Variants in GOLGB1 observed in about 807,000 individuals in gnomAD.
GOLGB1 encodes golgin B1.
In GOLGB1, 174 loss-of-function variants were observed where a neutral mutation model predicts 336.9. That is an observed-to-expected ratio of 0.52 (90% CI 0.46 to 0.59). GOLGB1 has a LOEUF of 0.59. GOLGB1 is among the 20% of genes least tolerant of loss of function. GOLGB1 has a pLI of 0.00. For synonymous variants in GOLGB1, 1,208 were observed against 1,289.2 expected, an observed-to-expected ratio of 0.94 and a Z score of 1.35; for missense variants, 3,331 against 3,645.3, an observed-to-expected ratio of 0.91 and a Z score of 2.22.
chr3:121,669,298 G>C lies in GOLGB1; in HGVS notation c.9235C>G (p.Gln3079Glu), dbSNP rs1292322748. The C allele has an allele frequency of 4.3e-6, 7 of 1,613,596 alleles. No homozygotes were observed. Among genetic ancestry groups the C allele is most frequent in the Non-Finnish European group, 5.9e-6 (7 of 1,179,592 alleles). The change falls in exon 18 of 22, where the codon CAG becomes GAG. Residue 3079 changes from glutamine to glutamate, a missense_variant. Coordinates refer to ENST00000614479, the MANE Select transcript of GOLGB1 (RefSeq NM_001366282.2). ...TGCTGCTGGTTCTCACGAAGACTCT[G>C]ACTGGTATCGCAGAGCTGAATGGAA... Reference protein sequence around the residue: ...TLSIQLCDTSQSLRENQQHYG... With the variant: ...TLSIQLCDTSESLRENQQHYG...
intron 10 of GOLGB1, among the ~76,000 whole-genome samples, chr3:121,712,983 G>A (rs902681255): frequency 6.6e-6 from 1 of 152,110 alleles, no homozygotes; most frequent in Admixed American, 6.5e-5. Context: ...CCAACATGGT[G>A]AAACCCTGTC....
chr3:121,695,604 A>C lies in GOLGB1; in HGVS notation c.4919T>G (p.Val1640Gly). 6.2e-7 allele frequency: 1 copy of C among 1,613,890 alleles called. No homozygotes were observed. Among genetic ancestry groups the C allele is most frequent in the Non-Finnish European group, 8.5e-7 (1 of 1,179,972 alleles). The change falls in exon 13 of 22, where the codon GTG becomes GGG. Residue 1640 changes from valine (V) to glycine (G), a missense_variant. Val to Gly is a moderately radical substitution (Grantham distance 109). Coordinates refer to ENST00000614479, the MANE Select transcript of GOLGB1 (RefSeq NM_001366282.2). Reference sequence around the variant, plus strand: ...TTTCTCTTGCCTCACAGCTTCCACCACATGCTGAATCCTTTCTGCTTCATT... The same window carrying C: ...TTTCTCTTGCCTCACAGCTTCCACCCCATGCTGAATCCTTTCTGCTTCATT... ...VSNEAERIQHVVEAVRQEKQE... is the reference protein window; with the variant it reads ...VSNEAERIQHGVEAVRQEKQE...
intron 20 of GOLGB1, among the ~76,000 whole-genome samples, 186 bp from the exon 21 acceptor site, chr3:121,665,217 A>G (rs1938440725): frequency 6.6e-6 from 1 of 152,226 alleles, no homozygotes; most frequent in Non-Finnish European, 1.5e-5. Flanking sequence ...GCAGCAGCAA[A>G]ATGTGACAAT....
At chr3:121,735,313 A>T (rs1419522075) in intron 1 of GOLGB1, among the ~76,000 whole-genome samples, 1 of 152,218 alleles carries the variant, frequency 6.6e-6, no homozygotes, top group Non-Finnish European at 1.5e-5. Flanking sequence ...CCAGGATGTC[A>T]GGAGTTCCAA....
chr3:121,689,582 C>T (rs1942218333), intron 14 of GOLGB1, among the ~76,000 whole-genome samples: 1 of 151,072 alleles, frequency 6.6e-6, no homozygotes, highest in Non-Finnish European at 1.5e-5. Flanking sequence ...TGCTGACCTT[C>T]CCTCCACTAT....
At chr3:121,736,889 G>A (rs1339393209) in intron 1 of GOLGB1, among the ~76,000 whole-genome samples, 1 of 151,824 alleles carries the variant, frequency 6.6e-6, no homozygotes, top group Non-Finnish European at 1.5e-5. Context: ...GGGTGCCAGA[G>A]TGAGACCCTG....
chr3:121,673,730 T>TCTAA, intron 17 of GOLGB1, among the ~76,000 whole-genome samples: 1 of 152,004 alleles, frequency 6.6e-6, no homozygotes. Flanking sequence ...TATCTATCTA[T>TCTAA]CTATTTTTGA....
At chr3:121,745,521 T>TATGTATACGTGTATGTATATATATACAC (rs1947222574) in intron 1 of GOLGB1, among the ~76,000 whole-genome samples, 1 of 149,966 alleles carries the variant, frequency 6.7e-6, no homozygotes. Flanking sequence ...TATATATACA[T>TATGTATACGTGTATGTATATATATACAC]ATGTATACGT....
chr3:121,732,813 A>G (rs1946205504), intron 1 of GOLGB1, among the ~76,000 whole-genome samples: 1 of 152,220 alleles, frequency 6.6e-6, no homozygotes, highest in African/African-American at 2.4e-5. Flanking sequence ...CCATATGAGA[A>G]ACAAGGCAAA....
At chr3:121,747,259 ATATATATATG>A (rs1036353396) in intron 1 of GOLGB1, among the ~76,000 whole-genome samples, 15 of 136,588 alleles carry the variant, frequency 1.1e-4, no homozygotes, top group African/African-American at 4.2e-4. Flanking sequence ...CCATGTGTGT[ATATATATATG>A]TATATATGTA....
Position 121,695,595 on chromosome 3 carries a change from G to A in GOLGB1, c.4928C>T (p.Ala1643Val), listed in dbSNP as rs1302141218. The change falls in exon 13 of 22, where the codon GCT (alanine) becomes GTT (valine). Residue 1643 changes from alanine to valine, a missense_variant. By Grantham distance (64) the Ala-to-Val change is moderately conservative (BLOSUM62 0). Coordinates refer to ENST00000614479, the MANE Select transcript of GOLGB1 (RefSeq NM_001366282.2). ...CAGTTCTTGTTTCTCTTGCCTCACA[G>A]CTTCCACCACATGCTGAATCCTTTC... ...EAERIQHVVEAVRQEKQELYG... is the reference protein window; with the variant it reads ...EAERIQHVVEVVRQEKQELYG... 2 of 1,613,830 alleles carry A rather than the reference G, an allele frequency of 1.2e-6. No individual in the cohort carries two copies. Among genetic ancestry groups the A allele is most frequent in the Non-Finnish European group, 1.7e-6 (2 of 1,180,012 alleles).
chr3:121,677,577 G>A (rs1940575703), intron 15 of GOLGB1, 127 bp from the exon 16 acceptor site: 2 of 655,752 alleles, frequency 3.0e-6, no homozygotes, highest in Non-Finnish European at 5.2e-6. Context: ...AAGAAAGAAA[G>A]GCTAAGAAAA....
At chr3:121,738,900 C>T (rs1000691102) in intron 1 of GOLGB1, among the ~76,000 whole-genome samples, 1 of 152,104 alleles carries the variant, frequency 6.6e-6, no homozygotes, top group Non-Finnish European at 1.5e-5. Context: ...AAGAGGAAAC[C>T]TTATCAAGTT....
chr3:121,738,865 G>A lies in GOLGB1; in HGVS notation c.-2-7892C>T, dbSNP rs565684819. Among the ~76,000 whole-genome samples, 39 of 152,316 alleles carry A rather than the reference G, an allele frequency of 2.6e-4. 1 individual carries two copies. In the South Asian group the frequency reaches 7.3e-3, roughly 28 times the overall value. ...ATCCGAGAAATCCAGCTGCCATATA[G>A]TTGAACAATGTCTGAAAATAGCACA... On this transcript the variant is annotated intron_variant, in intron 1 of 21. Coordinates refer to ENST00000614479, the MANE Select transcript of GOLGB1 (RefSeq NM_001366282.2).
chr3:121,667,507 C>CA lies in GOLGB1; in HGVS notation c.9522dup (p.Ala3175CysfsTer16). 1 of 1,614,024 alleles carries CA rather than the reference C, an allele frequency of 6.2e-7. No individual in the cohort carries two copies. The highest frequency in any genetic ancestry group is 8.5e-7 in the Non-Finnish European group (1 of 1,179,894). On this transcript the variant is annotated frameshift_variant, in exon 20 of 22. Transcript: ENST00000614479. LOFTEE classifies it high-confidence loss of function. ...ATCTGCTCCTCGGCCACAGAGAGAG[C>CA]ATTCTCAGCAGCCACTCTTTGGTCT... is the stretch of plus-strand genomic sequence containing the variant.
chr3:121,731,051 C>A, intron 1 of GOLGB1, 78 bp from the exon 2 acceptor site: 2 of 1,387,984 alleles, frequency 1.4e-6, no homozygotes, highest in Non-Finnish European at 2.0e-6. Flanking sequence ...ATAACCATAT[C>A]ATCCGTGAAT....
intron 17 of GOLGB1, among the ~76,000 whole-genome samples, chr3:121,672,448 A>G (rs1939679072): frequency 6.6e-6 from 1 of 152,152 alleles, no homozygotes; most frequent in African/African-American, 2.4e-5. Flanking sequence ...ACGTCTATTC[A>G]GATCTTTTGC....
At chr3:121,748,284 A>T (rs1433022504) in intron 1 of GOLGB1, among the ~76,000 whole-genome samples, 1 of 152,212 alleles carries the variant, frequency 6.6e-6, no homozygotes, top group Non-Finnish European at 1.5e-5. Context: ...ATACTTTTGC[A>T]TATTTCATAT....
intron 14 of GOLGB1, among the ~76,000 whole-genome samples, chr3:121,687,116 T>C (rs1941833057): frequency 6.6e-6 from 1 of 151,980 alleles, no homozygotes; most frequent in African/African-American, 2.4e-5. Context: ...CTACTAAAAA[T>C]ACAAAAATTA....
Sources: gnomAD v4.1 joint callset for allele counts (sites outside exome capture counted in the v4.1 genomes callset) on GRCh38, gnomAD v4.1.1 for gene constraint, MANE v1.5 for transcripts, NCBI Gene and HGNC (gene_info 2026-07-23, HGNC 2026-07-21) for gene names.